THRB: variants seen among roughly 807,000 people sequenced by gnomAD.
THRB encodes thyroid hormone receptor beta, also known as nuclear receptor subfamily 1 group A member 2.
THRB carries 12 observed loss-of-function variants against 47.8 expected under a neutral mutation model. That is an observed-to-expected ratio of 0.25 (90% CI 0.16 to 0.41). The LOEUF is 0.41. THRB is among the 10% of genes least tolerant of loss of function. The probability of loss-of-function intolerance (pLI) is 1.00; values close to 1 mark genes in which losing one functional copy is unlikely to be tolerated. For synonymous variants in THRB, 218 were observed against 212.2 expected (o/e 1.03, Z -0.24); for missense variants, 348 against 589.2 (o/e 0.59, Z 4.24).
At chr3:24,391,411 T>C (rs1200938593) in intron 1 of THRB, among the ~76,000 whole-genome samples, 3 of 152,146 alleles carry the variant, frequency 2.0e-5, no homozygotes, top group African/African-American at 7.2e-5. Context: ...TACATCATCA[T>C]CTCATAATCT....
chr3:24,495,134 C>G (rs1290441234), upstream of THRB: 1 of 152,318 alleles, frequency 6.6e-6, no homozygotes, highest in Non-Finnish European at 1.5e-5. Flanking sequence ...CTGTCTTACT[C>G]CGGGCCCGGG....
At chr3:24,280,389 A>G (rs1233599216) in intron 3 of THRB, among the ~76,000 whole-genome samples, 1 of 152,210 alleles carries the variant, frequency 6.6e-6, no homozygotes, top group Non-Finnish European at 1.5e-5. Flanking sequence ...CTCTGTTAGA[A>G]GGAAAACTAA....
chr3:24,345,531 T>A (rs35601156), intron 1 of THRB, among the ~76,000 whole-genome samples: 28,571 of 152,080 alleles, frequency 0.19, 3,087 homozygotes, highest in East Asian at 0.34. Context: ...GTGCCTCAAG[T>A]TCCGTAATAG....
In THRB at chr3:24,129,170, A is replaced by T. The variant is rs56259756; in HGVS notation, c.886-1413T>A. Among the ~76,000 whole-genome samples, 1,416 of 152,276 alleles carry T rather than the reference A, an allele frequency of 9.3e-3. 17 individuals carry two copies. The highest frequency in any genetic ancestry group is 0.032 in the African/African-American group (1,319 of 41,564). On this transcript the variant is annotated intron_variant, in intron 9 of 10. Coordinates refer to ENST00000646209, the MANE Select transcript of THRB (RefSeq NM_001354712.2). ...AAGTCATTGCATATTTGATTCTGGA[A>T]TCCATACATATGAATTCTCTCCTTC...
intron 1 of THRB, among the ~76,000 whole-genome samples, chr3:24,448,272 C>G (rs2072301615): frequency 2.6e-5 from 4 of 152,026 alleles, no homozygotes; most frequent in Non-Finnish European, 4.4e-5. Flanking sequence ...ATGAAAAAAT[C>G]AGCATAATCA....
At chr3:24,313,408 T>C (rs1224988778) in intron 2 of THRB, among the ~76,000 whole-genome samples, 5 of 152,170 alleles carry the variant, frequency 3.3e-5, no homozygotes, top group Non-Finnish European at 5.9e-5. Flanking sequence ...ACAATTCCCA[T>C]GCAGCAAACA....
intron 2 of THRB, among the ~76,000 whole-genome samples, chr3:24,300,746 A>T (rs1343573397): frequency 6.6e-6 from 1 of 152,202 alleles, no homozygotes; most frequent in Non-Finnish European, 1.5e-5. Context: ...TGTAATACAT[A>T]TATTTGGTAG....
chr3:24,397,361 G>C (rs964651610), intron 1 of THRB, among the ~76,000 whole-genome samples: 1 of 152,078 alleles, frequency 6.6e-6, no homozygotes, highest in Admixed American at 6.6e-5. Flanking sequence ...CCATATAGTT[G>C]CTTAGAGATT....
chr3:24,428,145 T>C (rs958770455), intron 1 of THRB, among the ~76,000 whole-genome samples: 1 of 152,076 alleles, frequency 6.6e-6, no homozygotes, highest in African/African-American at 2.4e-5. Context: ...ATCCATATAC[T>C]AAGCTTCAGT....
chr3:24,388,086 G>A lies in THRB; in HGVS notation c.-260-50715C>T, dbSNP rs540829641. On this transcript the variant is annotated intron_variant, in intron 1 of 10. Transcript: ENST00000646209. ...AGATATAACTGATTTCCCAGCTACT[G>A]AGAGGGTGGCTGACTCTGATGCATA... Among the ~76,000 whole-genome samples, 8 of 152,130 alleles carry A rather than the reference G, an allele frequency of 5.3e-5. No homozygotes were observed. In the East Asian group the frequency reaches 1.4e-3, roughly 26 times the overall value.
chr3:24,149,236 C>T (rs548942937), intron 6 of THRB, among the ~76,000 whole-genome samples: 3 of 152,270 alleles, frequency 2.0e-5, no homozygotes, highest in South Asian at 2.1e-4. Flanking sequence ...TAGGGTAGCA[C>T]GCCTCCTTCT....
chr3:24,151,804 T>C (rs2036985235), intron 6 of THRB, among the ~76,000 whole-genome samples: 1 of 152,236 alleles, frequency 6.6e-6, no homozygotes, highest in Non-Finnish European at 1.5e-5. Context: ...CAGATAGGAC[T>C]GTACAGCACA....
chr3:24,241,514 A>C (rs1255897617), intron 3 of THRB, among the ~76,000 whole-genome samples: 2 of 152,114 alleles, frequency 1.3e-5, no homozygotes, highest in Non-Finnish European at 2.9e-5. Context: ...AGAGAAATCT[A>C]TTCTTGTGCC....
intron 5 of THRB, 38 bp downstream of exon 5, chr3:24,190,036 T>C (rs754989200): frequency 1.2e-6 from 2 of 1,607,402 alleles, no homozygotes; most frequent in Admixed American, 1.7e-5. Flanking sequence ...TTTTTCTTGT[T>C]GAAACACATG....
At chr3:24,466,822 C>T (rs947753348) in intron 1 of THRB, among the ~76,000 whole-genome samples, 1 of 152,060 alleles carries the variant, frequency 6.6e-6, no homozygotes, top group African/African-American at 2.4e-5. Context: ...GCAGGTGAAG[C>T]GTCTTGTCTT....
intron 2 of THRB, among the ~76,000 whole-genome samples, chr3:24,302,436 T>C (rs1262357466): frequency 1.3e-5 from 2 of 152,252 alleles, no homozygotes. Context: ...TATGTTGTTA[T>C]GGTGAAAATT....
intron 2 of THRB, among the ~76,000 whole-genome samples, chr3:24,330,024 G>A (rs544450871): frequency 1.4e-4 from 21 of 152,298 alleles, no homozygotes; most frequent in African/African-American, 4.6e-4. Flanking sequence ...ATTTCATTTC[G>A]GCCAGGCGCG....
At chr3:24,195,140 C>T (rs1034840182) in intron 4 of THRB, among the ~76,000 whole-genome samples, 1 of 152,164 alleles carries the variant, frequency 6.6e-6, no homozygotes, top group Admixed American at 6.5e-5. Flanking sequence ...TTGCTGAATT[C>T]TCAGACTATG....
chr3:24,321,666 T>C (rs1035560375), intron 2 of THRB, among the ~76,000 whole-genome samples: 1 of 152,070 alleles, frequency 6.6e-6, no homozygotes, highest in Admixed American at 6.5e-5. Context: ...TCCACAGTTT[T>C]CATAAGGTTC....
Sources: gnomAD v4.1 joint callset for allele counts (sites outside exome capture counted in the v4.1 genomes callset) on GRCh38, gnomAD v4.1.1 for gene constraint, MANE v1.5 for transcripts, NCBI Gene and HGNC (gene_info 2026-07-23, HGNC 2026-07-21) for gene names.